ADAR: variants seen among roughly 807,000 people sequenced by gnomAD.
ADAR encodes adenosine deaminase RNA specific.
Under a neutral mutation model 113.2 loss-of-function variants are expected in ADAR, and 41 were observed. The ratio of observed to expected loss-of-function variants is 0.36; its 90% CI spans 0.28 to 0.47. The LOEUF is 0.47. Among genes scored for constraint, ADAR ranks in the 20% least tolerant of loss-of-function variants. The pLI, the probability that ADAR is intolerant of heterozygous loss-of-function variation, is 1.00. For synonymous variants in ADAR, 605 were observed against 572.6 expected, an observed-to-expected ratio of 1.06 and a Z score of -0.81; for missense variants, 1,242 against 1,540.9, an observed-to-expected ratio of 0.81 and a Z score of 3.25.
At chr1:154,586,889 G>A (rs1309332712) in intron 11 of ADAR, among the ~76,000 whole-genome samples, 1 of 152,112 alleles carries the variant, frequency 6.6e-6, no homozygotes. Context: ...CATGAGAGGA[G>A]GCCGGGTGAT....
chr1:154,598,617 G>C (rs1697660924), intron 2 of ADAR, 32 bp from the exon 3 acceptor site: 1 of 1,610,052 alleles, frequency 6.2e-7, no homozygotes, highest in Non-Finnish European at 8.5e-7. Context: ...GTGTGAACAG[G>C]AGTCTAGGTC....
Position 154,601,539 on chromosome 1 carries a change from T to A in ADAR, c.1103A>T (p.Asn368Ile), listed in dbSNP as rs1553213121. The change falls in exon 2 of 15, where the codon AAT (asparagine) becomes ATT (isoleucine). Residue 368 changes from asparagine to isoleucine, a missense_variant. Asn to Ile is a moderately radical substitution (Grantham distance 149). Around this residue, in one of 2 missense-constraint regions of ADAR, gnomAD observed 462 missense variants for 483.1 expected, o/e 0.96. Coordinates refer to ENST00000368474, the MANE Select transcript of ADAR (RefSeq NM_001111.5). This position sits in a 1 kb window ranked among gnomAD's most constrained non-coding sequence, Gnocchi z 4.7. ...AGCGGTTTCAGGAACACTGTTCGTA[T>A]TTCTCTTGATTTGCATCCTCTCTCG... ...KKRERMQIKR[N>I]TNSVPETAPA... 1 of 1,613,220 alleles carries A rather than the reference T, an allele frequency of 6.2e-7. No homozygotes were observed. Among genetic ancestry groups the A allele is most frequent in the Middle Eastern group, 1.6e-4 (1 of 6,062 alleles).
Position 154,585,063 on chromosome 1 carries a change from C to G in ADAR, c.3444-20G>C. On this transcript the variant is annotated intron_variant, in intron 14 of 14. Transcript: ENST00000368474. ...CGTGGCCTAGAGAAACAAAAGCACTCATTATTCACCTGGGACCTGTAAGAT... is the reference window on the plus strand; with the variant it reads ...CGTGGCCTAGAGAAACAAAAGCACTGATTATTCACCTGGGACCTGTAAGAT... 1.2e-6 allele frequency: 2 copies of G among 1,612,854 alleles called. No homozygotes were observed. Among genetic ancestry groups the G allele is most frequent in the Non-Finnish European group, 1.7e-6 (2 of 1,179,178 alleles).
At chr1:154,608,943 C>G (rs977858443), upstream of ADAR, 1 of 152,192 alleles carries the variant, frequency 6.6e-6, no homozygotes, top group African/African-American at 2.4e-5. Flanking sequence ...CAGATGCCAG[C>G]CAGTAAAAAG....
intron 3 of ADAR, 73 bp downstream of exon 3, chr1:154,598,329 G>C: frequency 6.6e-7 from 1 of 1,508,548 alleles, no homozygotes; most frequent in Non-Finnish European, 9.2e-7. Context: ...GGCTGGGATT[G>C]CCTCAAGGGA....
intron 7 of ADAR, 62 bp from the exon 8 acceptor site, chr1:154,589,990 G>A (rs953964268): frequency 2.1e-5 from 33 of 1,599,632 alleles, no homozygotes; most frequent in Non-Finnish European, 2.6e-5. Context: ...CATATTCACC[G>A]TGGGCAGGGA....
In ADAR at chr1:154,584,419, A is replaced by T; in HGVS notation, c.*387T>A. On this transcript the variant is annotated 3_prime_UTR_variant, in exon 15 of 15. Coordinates refer to ENST00000368474, the MANE Select transcript of ADAR (RefSeq NM_001111.5). ...CAGTCCCTGACATGATCCAGAGTTG[A>T]CTGAAACCTAATCAAGACCGCAAGA... is the stretch of plus-strand genomic sequence containing the variant. The T allele has an allele frequency of 4.6e-6, 1 of 217,804 alleles. No homozygotes were observed. Among genetic ancestry groups the T allele is most frequent in the South Asian group, 7.4e-5 (1 of 13,494 alleles). 13.5% of individuals were successfully genotyped at this position (217,804 alleles called of 1,614,324 possible). A position where few individuals can be genotyped will look rare whatever the true frequency, so the allele number is the denominator to read the frequency against.
rs1696658405 is a variant in ADAR, at chr1:154,585,063, CATT to C, written c.3444-23_3444-21del. Reference sequence around the variant, plus strand: ...CGTGGCCTAGAGAAACAAAAGCACTCATTATTCACCTGGGACCTGTAAGATAAG... The same window carrying C: ...CGTGGCCTAGAGAAACAAAAGCACTCATTCACCTGGGACCTGTAAGATAAG... On this transcript the variant is annotated intron_variant, in intron 14 of 14. Transcript: ENST00000368474. 1 of 1,612,736 alleles carries C rather than the reference CATT, an allele frequency of 6.2e-7. No individual in the cohort carries two copies. Among genetic ancestry groups the C allele is most frequent in the Non-Finnish European group, 8.5e-7 (1 of 1,179,186 alleles).
Position 154,584,696 on chromosome 1 carries a change from A to G in ADAR, c.*110T>C. On this transcript the variant is annotated 3_prime_UTR_variant, in exon 15 of 15. Coordinates refer to ENST00000368474, the MANE Select transcript of ADAR (RefSeq NM_001111.5). ...GTATCACCAATTATGGCTTAAAAAG[A>G]AAAAAAAAGGAGAAAAAAAAATCCC... 1.0e-6 allele frequency: 1 copy of G among 974,138 alleles called. No homozygotes were observed. Among genetic ancestry groups the G allele is most frequent in the Non-Finnish European group, 1.6e-6 (1 of 637,228 alleles). The allele number at this position is 974,138 out of a possible 1,614,324, so 60.3% of individuals were successfully genotyped here.
rs1696454567 is a variant in ADAR at position 154,582,290 on chromosome 1, C to T, written c.*2516G>A. ...TGAGTAAAGGAAACAGCTTCAAGCA[C>T]TGACAATTTTTACAAGTGATTATTC... On this transcript the variant is annotated 3_prime_UTR_variant, in exon 15 of 15. Transcript: ENST00000368474. 2.0e-5 allele frequency: 3 copies of T among 152,288 alleles called. No homozygotes were observed. The highest frequency in any genetic ancestry group is 4.4e-5 in the Non-Finnish European group (3 of 68,020). 9.4% of individuals were successfully genotyped at this position (152,288 alleles called of 1,614,324 possible).
chr1:154,588,432 C>A (rs1047077562), intron 10 of ADAR, 119 bp downstream of exon 10: 10 of 1,514,640 alleles, frequency 6.6e-6, no homozygotes, highest in Middle Eastern at 2.0e-4. Flanking sequence ...GGACCTCAAA[C>A]CCACAGTGGA....
At chr1:154,625,693 T>C (rs536537495) in intron 1 of ADAR, among the ~76,000 whole-genome samples, 1 of 147,058 alleles carries the variant, frequency 6.8e-6, no homozygotes, top group Admixed American at 6.7e-5. Context: ...ACCCCATCTC[T>C]ACTAAAAATA....
intron 9 of ADAR, 62 bp downstream of exon 9, chr1:154,589,307 G>A: frequency 7.6e-7 from 1 of 1,317,294 alleles, no homozygotes; most frequent in Non-Finnish European, 1.1e-6. Flanking sequence ...AGAGCCATGT[G>A]GGGCAGGGAA....
intron 6 of ADAR, among the ~76,000 whole-genome samples, chr1:154,591,953 C>T (rs1697179484): frequency 6.6e-6 from 1 of 152,172 alleles, no homozygotes; most frequent in African/African-American, 2.4e-5. Context: ...GTATCTTTAC[C>T]TCAGGGATCC....
At position 154,585,364 on chromosome 1, in the gene ADAR, C is replaced by T. The variant is rs781024893; in HGVS notation, c.3316-20G>A. The T allele has an allele frequency of 3.3e-5, 54 of 1,613,780 alleles. No individual in the cohort carries two copies. Among genetic ancestry groups the T allele is most frequent in the Admixed American group, 8.3e-5 (5 of 59,994 alleles). ...GCCAACCTAGGAATCCCAGAAGCAA[C>T]GGGAGAAAGATGGAAACCTTTCAGG... On this transcript the variant is annotated intron_variant, in intron 13 of 14. Coordinates refer to ENST00000368474, the MANE Select transcript of ADAR (RefSeq NM_001111.5).
Position 154,601,584 on chromosome 1 carries a change from C to A in ADAR, c.1058G>T (p.Trp353Leu). 1 of 1,612,538 alleles carries A rather than the reference C, an allele frequency of 6.2e-7. No individual in the cohort carries two copies. Among genetic ancestry groups the A allele is most frequent in the Non-Finnish European group, 8.5e-7 (1 of 1,180,010 alleles). The change falls in exon 2 of 15, where the codon TGG (tryptophan) becomes TTG (leucine). Residue 353 changes from tryptophan (W) to leucine (L), a missense_variant. This residue lies in a region of ADAR where 462 missense variants were observed against 483.1 expected (regional missense o/e 0.96). Coordinates refer to ENST00000368474, the MANE Select transcript of ADAR (RefSeq NM_001111.5). This position sits in a 1 kb window ranked among gnomAD's most constrained non-coding sequence, Gnocchi z 4.7. The part of the protein sequence containing the change: ...VYRQGTTPPI[W>L]HLTDKKRERM... Reference sequence around the variant, plus strand: ...CTCTCGCTTCTTGTCTGTCAAATGCCATATGGGAGGGGTTGTCCCTTGTCT... The same window carrying A: ...CTCTCGCTTCTTGTCTGTCAAATGCAATATGGGAGGGGTTGTCCCTTGTCT...
At position 154,592,963 on chromosome 1, in the gene ADAR, C is replaced by A. The variant is rs184585145; in HGVS notation, c.2271-2554G>T. Among the ~76,000 whole-genome samples, 471 of 151,914 alleles carry A rather than the reference C, an allele frequency of 3.1e-3. 7 individuals carry two copies. Among genetic ancestry groups the A allele is most frequent in the Non-Finnish European group, 5.1e-3 (347 of 67,946 alleles). ...CCAGCCTGGCCAACATGGTGAAACT[C>A]TGTCTCTACTAAAAATACAAAAATA... is the stretch of plus-strand genomic sequence containing the variant. On this transcript the variant is annotated intron_variant, in intron 6 of 14. Transcript: ENST00000368474.
rs1198048286 is a variant in ADAR, at chr1:154,582,887, A to C, written c.*1919T>G. 4.6e-5 allele frequency: 7 copies of C among 152,256 alleles called. No individual in the cohort carries two copies. In the East Asian group the frequency reaches 1.3e-3, roughly 29 times the overall value. The allele number at this position is 152,256 out of a possible 1,614,324, so 9.4% of individuals were successfully genotyped here. A position where few individuals can be genotyped will look rare whatever the true frequency, so the allele number is the denominator to read the frequency against. On this transcript the variant is annotated 3_prime_UTR_variant, in exon 15 of 15. Coordinates refer to ENST00000368474, the MANE Select transcript of ADAR (RefSeq NM_001111.5). Reference sequence around the variant, plus strand: ...CCAGGGAGCAGGCCTCTTCCACTCCAGGAGACAGGCGCCACTTCCCTACCA... The same window carrying C: ...CCAGGGAGCAGGCCTCTTCCACTCCCGGAGACAGGCGCCACTTCCCTACCA...
At chr1:154,597,384 T>C (rs1466129572) in intron 4 of ADAR, 117 bp from the exon 5 acceptor site, 1 of 1,251,212 alleles carries the variant, frequency 8.0e-7, no homozygotes, top group African/African-American at 1.5e-5. Flanking sequence ...ACATCACCTC[T>C]GTGCAGTCAC....
Sources: allele counts gnomAD v4.1 joint callset (sites outside exome capture counted in the v4.1 genomes callset), GRCh38; gene constraint gnomAD v4.1.1; regional missense constraint gnomAD v4.1.1; non-coding constraint Gnocchi (gnomAD v3.1); transcripts MANE v1.5; gene names NCBI Gene and HGNC (gene_info 2026-07-23, HGNC 2026-07-21).